The following PCDHGB6 variants were observed in gnomAD, a reference collection of about 807,000 sequenced individuals.
PCDHGB6 encodes protocadherin gamma-B6.
A neutral mutation model predicts 59.1 loss-of-function variants in PCDHGB6; 51 were observed. That is an observed-to-expected ratio of 0.86 (90% CI 0.69 to 1.09). PCDHGB6 has a LOEUF of 1.09. Ranked by LOEUF, PCDHGB6 falls within the 50% of genes least tolerant of loss-of-function variation. The probability of loss-of-function intolerance (pLI) is 0.00; values close to 1 mark genes in which losing one functional copy is unlikely to be tolerated. For missense variants in PCDHGB6, 1,148 were observed against 1,205.1 expected (o/e 0.95, Z 0.70); for synonymous variants, 466 against 495.1 (o/e 0.94, Z 0.78).
intron 1 of PCDHGB6, among the ~76,000 whole-genome samples, chr5:141,435,840 T>G (rs1408413470): frequency 6.6e-6 from 1 of 152,118 alleles, no homozygotes; most frequent in Non-Finnish European, 1.5e-5. Context: ...CCTATCTACT[T>G]TGAAAGATAC....
chr5:141,433,062 T>G (rs1371087184), intron 1 of PCDHGB6: 1 of 1,614,074 alleles, frequency 6.2e-7, no homozygotes, highest in Non-Finnish European at 8.5e-7. Context: ...AAGAGTCACC[T>G]GATCTTCCCC....
chr5:141,420,187 C>T (rs1369031488), intron 1 of PCDHGB6: 7 of 1,613,824 alleles, frequency 4.3e-6, no homozygotes, highest in Non-Finnish European at 5.9e-6. Context: ...ATTGTCCAGC[C>T]ACACAAGATA....
chr5:141,421,541 T>A (rs1235004908), intron 1 of PCDHGB6: 9 of 1,613,912 alleles, frequency 5.6e-6, no homozygotes, highest in African/African-American at 1.3e-5. Flanking sequence ...TCCTGTTTTT[T>A]AAATATGGAA....
chr5:141,462,051 G>A (rs1370612703), intron 1 of PCDHGB6, among the ~76,000 whole-genome samples: 2 of 152,068 alleles, frequency 1.3e-5, no homozygotes, highest in African/African-American at 4.8e-5. Context: ...TTGAACTCCC[G>A]ACCTCAGGTG....
intron 1 of PCDHGB6, chr5:141,426,390 C>T (rs1211244710): frequency 7.9e-6 from 2 of 252,180 alleles, no homozygotes; most frequent in African/African-American, 4.4e-5. Flanking sequence ...AGATCCGCTA[C>T]TCTATTCCAG....
chr5:141,484,068 G>C (rs1287427208), intron 1 of PCDHGB6, among the ~76,000 whole-genome samples: 1 of 152,114 alleles, frequency 6.6e-6, no homozygotes, highest in African/African-American at 2.4e-5. Flanking sequence ...TAAGTGAAAA[G>C]CTTGCTCTTT....
At chr5:141,441,499 GCCT>G (rs1350774469) in intron 1 of PCDHGB6, 5 of 169,932 alleles carry the variant, frequency 2.9e-5, no homozygotes, top group African/African-American at 1.2e-4. Context: ...TTTCTACCAG[GCCT>G]CCTACGTCGT....
intron 1 of PCDHGB6, among the ~76,000 whole-genome samples, chr5:141,466,436 G>A (rs181613158): frequency 1.3e-5 from 2 of 152,270 alleles, no homozygotes; most frequent in East Asian, 1.9e-4. Context: ...AAGCTGAACC[G>A]AGATGTCTAT....
At chr5:141,509,153 C>G (rs2099875485) in intron 3 of PCDHGB6, among the ~76,000 whole-genome samples, 2 of 152,190 alleles carry the variant, frequency 1.3e-5, no homozygotes, top group Non-Finnish European at 2.9e-5. Context: ...CGGCTCTCCC[C>G]TCCCGTGTGC....
At chr5:141,463,553 A>G (rs1163004575) in intron 1 of PCDHGB6, among the ~76,000 whole-genome samples, 3 of 140,962 alleles carry the variant, frequency 2.1e-5, no homozygotes, top group Non-Finnish European at 4.5e-5. Context: ...GGTTCATGCC[A>G]TTCTCCTGCC....
rs62379205 is a variant in PCDHGB6, at chr5:141,491,971, T to G, written c.2419-2836T>G. On this transcript the variant is annotated intron_variant, in intron 1 of 3. Coordinates refer to ENST00000520790, the MANE Select transcript of PCDHGB6 (RefSeq NM_018926.3). This position sits in a 1 kb window ranked among gnomAD's most constrained non-coding sequence, Gnocchi z 6.9. ...CCTACACTCAAAAAAGGCCGGGGCC[T>G]CCTTCGAGCTTCCGGTGAATTTCGG... The G allele has an allele frequency of 3.6e-6, 3 of 831,948 alleles. No homozygotes were observed. Among genetic ancestry groups the G allele is most frequent in the Admixed American group, 3.7e-5 (1 of 26,692 alleles). The allele number at this position is 831,948 out of a possible 1,614,324, so 51.5% of individuals were successfully genotyped here.
At chr5:141,433,028 G>C in intron 1 of PCDHGB6, 1 of 1,614,116 alleles carries the variant, frequency 6.2e-7, no homozygotes, top group Non-Finnish European at 8.5e-7. Context: ...TTCCCACGAG[G>C]TTTCCCTCAC....
intron 3 of PCDHGB6, among the ~76,000 whole-genome samples, chr5:141,506,282 C>G (rs1422321122): frequency 6.6e-6 from 1 of 152,040 alleles, no homozygotes; most frequent in East Asian, 1.9e-4. Flanking sequence ...AACCCTGTCT[C>G]TACTAAAAAT....
chr5:141,416,224 T>G (rs2096006627), intron 1 of PCDHGB6: 1 of 152,382 alleles, frequency 6.6e-6, no homozygotes, highest in Admixed American at 6.5e-5. Context: ...TATGCTTAGA[T>G]TTTTCCAGCC....
chr5:141,479,838 C>T (rs539142918), intron 1 of PCDHGB6, among the ~76,000 whole-genome samples: 1 of 152,298 alleles, frequency 6.6e-6, no homozygotes, highest in African/African-American at 2.4e-5. Context: ...GGTATCCATG[C>T]AAGGTGACTG....
intron 3 of PCDHGB6, 89 bp from the exon 4 acceptor site, chr5:141,510,858 T>C (rs992991460): frequency 5.8e-5 from 93 of 1,606,182 alleles, no homozygotes; most frequent in South Asian, 1.0e-4. Flanking sequence ...GGGTGCTGTA[T>C]AGGCATTCAT....
At chr5:141,454,087 T>A (rs1251936767) in intron 1 of PCDHGB6, among the ~76,000 whole-genome samples, 4 of 152,198 alleles carry the variant, frequency 2.6e-5, no homozygotes, top group Non-Finnish European at 5.9e-5. Context: ...TCAGTGAAAT[T>A]TGAATTGAAC....
intron 1 of PCDHGB6, chr5:141,441,260 A>G (rs1217151195): frequency 1.3e-5 from 2 of 152,222 alleles, no homozygotes; most frequent in Non-Finnish European, 2.9e-5. Context: ...AAATCACAAG[A>G]TCTGGATTCG....
At chr5:141,506,252 C>T (rs1158047426) in intron 3 of PCDHGB6, among the ~76,000 whole-genome samples, 1 of 151,968 alleles carries the variant, frequency 6.6e-6, no homozygotes, top group African/African-American at 2.4e-5. Flanking sequence ...AGTTCGAAAC[C>T]GGCCTGGCCA....
Sources: gnomAD v4.1 joint callset for allele counts (sites outside exome capture counted in the v4.1 genomes callset) on GRCh38, gnomAD v4.1.1 for gene constraint, Gnocchi (gnomAD v3.1) non-coding constraint, MANE v1.5 for transcripts, NCBI Gene and HGNC (gene_info 2026-07-23, HGNC 2026-07-21) for gene names.